Variants in CFAP299 observed in about 807,000 individuals in gnomAD.
CFAP299 encodes the protein cilia and flagella associated protein 299.
Under a neutral mutation model 27.0 loss-of-function variants are expected in CFAP299, and 21 were observed. The ratio of observed to expected loss-of-function variants is 0.78; its 90% CI spans 0.55 to 1.12. The LOEUF (loss-of-function observed/expected upper bound fraction) is 1.12. CFAP299 is among the 50% of genes most tolerant of loss of function. The pLI, the probability that CFAP299 is intolerant of heterozygous loss-of-function variation, is 0.00. For synonymous variants in CFAP299, 104 were observed against 98.1 expected, an observed-to-expected ratio of 1.06 and a Z score of -0.36; for missense variants, 310 against 276.6, an observed-to-expected ratio of 1.12 and a Z score of -0.86.
At chr4:80,693,248 G>A (rs1301341782) in intron 3 of CFAP299, among the ~76,000 whole-genome samples, 2 of 151,922 alleles carry the variant, frequency 1.3e-5, no homozygotes, top group Non-Finnish European at 2.9e-5. Context: ...ACATGTACAC[G>A]TATGTTTATT....
chr4:80,877,828 A>T (rs946008378), intron 4 of CFAP299, among the ~76,000 whole-genome samples: 10 of 152,146 alleles, frequency 6.6e-5, no homozygotes, highest in Admixed American at 1.3e-4. Flanking sequence ...GAAGGCTAAT[A>T]TACTCACAAC....
intron 2 of CFAP299, among the ~76,000 whole-genome samples, chr4:80,479,823 G>GA (rs949103397): frequency 4.6e-5 from 7 of 151,916 alleles, no homozygotes; most frequent in South Asian, 2.1e-4. Context: ...ATTTTAGATA[G>GA]AAAAAATCTT....
chr4:80,497,115 A>C (rs1731489406), intron 2 of CFAP299, among the ~76,000 whole-genome samples: 1 of 152,052 alleles, frequency 6.6e-6, no homozygotes, highest in African/African-American at 2.4e-5. Flanking sequence ...CACACATGCA[A>C]ACTATATAAA....
intron 2 of CFAP299, among the ~76,000 whole-genome samples, chr4:80,546,310 G>A (rs918752084): frequency 3.3e-5 from 5 of 152,002 alleles, no homozygotes; most frequent in African/African-American, 1.2e-4. Context: ...ACAAAAATCA[G>A]TAGCATTGCT....
intron 3 of CFAP299, among the ~76,000 whole-genome samples, chr4:80,809,225 G>A (rs753284137): frequency 6.6e-6 from 1 of 152,148 alleles, no homozygotes; most frequent in Non-Finnish European, 1.5e-5. Context: ...TTTACATGGA[G>A]ACATCTGCAC....
intron 3 of CFAP299, among the ~76,000 whole-genome samples, chr4:80,763,558 C>T (rs1725661494): frequency 6.6e-6 from 1 of 152,062 alleles, no homozygotes; most frequent in Admixed American, 6.6e-5. Flanking sequence ...CAATGCTATT[C>T]TCATCAAGAA....
At chr4:80,328,100 G>C in the CFAP299 span, among the ~76,000 whole-genome samples, 3 of 152,094 alleles carry the variant, frequency 2.0e-5, no homozygotes, top group Admixed American at 6.6e-5. Flanking sequence ...TTAGTCAAGT[G>C]GTGGCCGAAA....
chr4:80,904,309 C>A (rs1231929996), intron 4 of CFAP299, among the ~76,000 whole-genome samples: 1 of 152,098 alleles, frequency 6.6e-6, no homozygotes, highest in Non-Finnish European at 1.5e-5. Context: ...AGTTTCAACT[C>A]TTCTTAGAAA....
intron 2 of CFAP299, among the ~76,000 whole-genome samples, chr4:80,489,177 A>C (rs1241451688): frequency 6.6e-6 from 1 of 152,108 alleles, no homozygotes; most frequent in Non-Finnish European, 1.5e-5. Flanking sequence ...GGTATTTGCT[A>C]GTTGGACAAT....
chr4:80,924,105 A>T (rs1736180025), intron 4 of CFAP299, among the ~76,000 whole-genome samples: 1 of 151,846 alleles, frequency 6.6e-6, no homozygotes. Flanking sequence ...TTTGCTCTCT[A>T]CTTTTGAATG....
intron 2 of CFAP299, among the ~76,000 whole-genome samples, chr4:80,450,197 C>A (rs959251887): frequency 1.3e-5 from 2 of 152,010 alleles, no homozygotes; most frequent in Admixed American, 6.6e-5. Context: ...CATATAACTG[C>A]GAACTGTTAA....
At chr4:80,859,855 AT>A (rs1436186896) in intron 3 of CFAP299, among the ~76,000 whole-genome samples, 1 of 151,730 alleles carries the variant, frequency 6.6e-6, no homozygotes, top group East Asian at 1.9e-4. Context: ...TTTTTCCTTC[AT>A]TTCAACGTTG....
chr4:80,692,953 C>T (rs552775571), intron 3 of CFAP299, among the ~76,000 whole-genome samples: 6 of 152,162 alleles, frequency 3.9e-5, no homozygotes, highest in African/African-American at 7.2e-5. Flanking sequence ...AAAATGCTCA[C>T]CATCACTGGC....
At chr4:80,855,000 A>G (rs1344147684) in intron 3 of CFAP299, among the ~76,000 whole-genome samples, 1 of 152,086 alleles carries the variant, frequency 6.6e-6, no homozygotes, top group Non-Finnish European at 1.5e-5. Flanking sequence ...GAAGACAAGC[A>G]TACTAAAATA....
chr4:80,454,770 G>C (rs1354115311), intron 2 of CFAP299, among the ~76,000 whole-genome samples: 1 of 152,200 alleles, frequency 6.6e-6, no homozygotes, highest in African/African-American at 2.4e-5. Flanking sequence ...AAGTCACACA[G>C]AGCCAGCTGT....
intron 3 of CFAP299, among the ~76,000 whole-genome samples, chr4:80,839,645 G>A (rs1730756353): frequency 6.6e-6 from 1 of 151,756 alleles, no homozygotes; most frequent in South Asian, 2.1e-4. Flanking sequence ...CTTTAAAAAG[G>A]TAAATTCCTC....
intron 1 of CFAP299, among the ~76,000 whole-genome samples, chr4:80,348,995 A>G (rs1722892269): frequency 6.6e-6 from 1 of 152,206 alleles, no homozygotes; most frequent in Admixed American, 6.5e-5. Context: ...ATAGTGATGA[A>G]TTGGTGTCTG....
Position 80,558,362 on chromosome 4 carries a change from G to GT in CFAP299, c.243-24728dup, listed in dbSNP as rs1351346440. On this transcript the variant is annotated intron_variant, in intron 2 of 5. Transcript: ENST00000358105. ...GGTTTTTTTGTTTGTTTGTTTGTTT[G>GT]TTTGTTTTTTTTTTGGCCAGGAACC... 2.9e-3 allele frequency among the ~76,000 whole-genome samples: 357 copies of GT among 125,240 alleles called. 7 individuals are homozygous for GT. The highest frequency in any genetic ancestry group is 7.4e-3 in the East Asian group (31 of 4,216). The allele number at this position is 125,240 out of a possible 152,430, so 82.2% of individuals were successfully genotyped here. A position where few individuals can be genotyped will look rare whatever the true frequency, so the allele number is the denominator to read the frequency against.
rs1017167879 is a variant in CFAP299, at chr4:80,348,679, T to C, written c.111+12800T>C. ...AAAACCCAACCTGCCAACACCTTGC[T>C]GTTCGACCTTCAGAACTGTGAGAAA... On this transcript the variant is annotated intron_variant, in intron 1 of 5. Coordinates refer to ENST00000358105, the MANE Select transcript of CFAP299 (RefSeq NM_152770.3). Among the ~76,000 whole-genome samples the C allele has an allele frequency of 2.0e-4, 30 of 152,198 alleles. 1 individual carries two copies. Among genetic ancestry groups the C allele is most frequent in the Non-Finnish European group, 4.1e-4 (28 of 68,016 alleles).
Sources: gnomAD v4.1 joint callset for allele counts (sites outside exome capture counted in the v4.1 genomes callset) on GRCh38, gnomAD v4.1.1 for gene constraint, MANE v1.5 for transcripts, NCBI Gene and HGNC (gene_info 2026-07-23, HGNC 2026-07-21) for gene names.